Variants in MYO16 observed in about 807,000 individuals in gnomAD.
The protein encoded by MYO16 is unconventional myosin-XVI.
Under a neutral mutation model 205.3 loss-of-function variants are expected in MYO16, and 94 were observed. The ratio of observed to expected loss-of-function variants is 0.46; its 90% CI spans 0.39 to 0.54. MYO16 has a LOEUF of 0.54. Among genes scored for constraint, MYO16 ranks in the 20% least tolerant of loss-of-function variants. The pLI is 0.00. For missense variants in MYO16, 2,315 were observed against 2,387.5 expected, an observed-to-expected ratio of 0.97 and a Z score of 0.63; for synonymous variants, 988 against 954.0, an observed-to-expected ratio of 1.04 and a Z score of -0.66.
chr13:109,089,373 C>T (rs1029729877), intron 27 of MYO16, among the ~76,000 whole-genome samples: 12 of 151,908 alleles, frequency 7.9e-5, no homozygotes, highest in Non-Finnish European at 1.6e-4. Context: ...GCCACCATGC[C>T]CAGCTAATTT....
At chr13:108,695,598 C>CT (rs997332612) in intron 2 of MYO16, among the ~76,000 whole-genome samples, 1 of 151,584 alleles carries the variant, frequency 6.6e-6, no homozygotes, top group Non-Finnish European at 1.5e-5. Context: ...TGGATCATGG[C>CT]TTTTTTCATG....
chr13:109,037,967 G>A (rs986048778), intron 23 of MYO16, among the ~76,000 whole-genome samples: 3 of 152,162 alleles, frequency 2.0e-5, no homozygotes, highest in African/African-American at 7.2e-5. Context: ...CAGCAGTGAT[G>A]GCAAGGGAGG....
At chr13:109,063,978 C>T (rs537184763) in intron 27 of MYO16, among the ~76,000 whole-genome samples, 1 of 152,236 alleles carries the variant, frequency 6.6e-6, no homozygotes, top group Admixed American at 6.5e-5. Context: ...AAGGTTCAAA[C>T]TGTGTTGTAT....
chr13:108,725,744 A>G (rs912454127), intron 3 of MYO16, among the ~76,000 whole-genome samples: 1 of 152,068 alleles, frequency 6.6e-6, no homozygotes, highest in African/African-American at 2.4e-5. Context: ...TTAAAACTTT[A>G]AAGTTTTTCT....
At chr13:109,139,503 C>T (rs1032629029) in intron 31 of MYO16, among the ~76,000 whole-genome samples, 4 of 152,198 alleles carry the variant, frequency 2.6e-5, no homozygotes, top group Non-Finnish European at 5.9e-5. Flanking sequence ...CCATGGGTGG[C>T]TGACATCCTG....
chr13:109,078,844 C>T (rs949067744), intron 27 of MYO16, among the ~76,000 whole-genome samples: 4 of 152,194 alleles, frequency 2.6e-5, no homozygotes, highest in Admixed American at 2.6e-4. Context: ...GTTTTTTACT[C>T]TGGCAGATGG....
chr13:109,095,183 C>T (rs899940110), intron 27 of MYO16, among the ~76,000 whole-genome samples: 6 of 152,234 alleles, frequency 3.9e-5, no homozygotes, highest in African/African-American at 1.2e-4. Flanking sequence ...TTACTTTTTA[C>T]AGTCCATTGG....
chr13:108,898,351 A>AGTGTGTGTGT (rs3042037), intron 15 of MYO16, among the ~76,000 whole-genome samples: 17,671 of 144,916 alleles, frequency 0.12, 1,190 homozygotes, highest in Admixed American at 0.15. Context: ...AGGGTGTGTG[A>AGTGTGTGTGT]GTGTGTGTGT....
At chr13:108,502,162 G>A in the MYO16 span, among the ~76,000 whole-genome samples, 1 of 152,104 alleles carries the variant, frequency 6.6e-6, no homozygotes, top group South Asian at 2.1e-4. Flanking sequence ...GCAGTGAGCC[G>A]AGATTAAGCC....
intron 32 of MYO16, among the ~76,000 whole-genome samples, chr13:109,149,197 G>A (rs115523984): frequency 2.2e-3 from 336 of 152,252 alleles, no homozygotes; most frequent in African/African-American, 7.8e-3. Context: ...CCATAGCAGC[G>A]CTTCTAGGTG....
At chr13:109,074,464 G>T (rs191797330) in intron 27 of MYO16, among the ~76,000 whole-genome samples, 1 of 152,196 alleles carries the variant, frequency 6.6e-6, no homozygotes, top group Non-Finnish European at 1.5e-5. Context: ...GGAGAAGCAG[G>T]CATGTCTTAT....
chr13:109,091,195 A>G (rs1431207967), intron 27 of MYO16, among the ~76,000 whole-genome samples: 1 of 152,208 alleles, frequency 6.6e-6, no homozygotes, highest in East Asian at 1.9e-4. Context: ...TACAGACACC[A>G]TGCAGTGCCT....
At chr13:109,054,997 T>G in intron 25 of MYO16, 49 bp from the exon 26 acceptor site, 1 of 1,262,942 alleles carries the variant, frequency 7.9e-7, no homozygotes, top group South Asian at 1.3e-5. Context: ...TCCTTTCCTT[T>G]CCTTTCCTTT....
chr13:108,667,834 C>T (rs1189737303), intron 2 of MYO16, among the ~76,000 whole-genome samples: 5 of 152,054 alleles, frequency 3.3e-5, no homozygotes, highest in Non-Finnish European at 5.9e-5. Flanking sequence ...TCTCCTGAGG[C>T]CAGGAGTTTG....
At chr13:108,628,107 C>T (rs184690420), upstream of MYO16, among the ~76,000 whole-genome samples, 9 of 152,250 alleles carry the variant, frequency 5.9e-5, no homozygotes, top group African/African-American at 1.9e-4. Context: ...TTTATTGAAA[C>T]ATTACAAAAC....
intron 1 of MYO16, among the ~76,000 whole-genome samples, chr13:108,602,692 C>T (rs1238493650): frequency 6.6e-6 from 1 of 152,098 alleles, no homozygotes; most frequent in East Asian, 1.9e-4. Context: ...TGGTTTGGTC[C>T]TGCAATATTC....
At chr13:109,186,409 T>C (rs1879691580) in intron 34 of MYO16, among the ~76,000 whole-genome samples, 1 of 152,144 alleles carries the variant, frequency 6.6e-6, no homozygotes, top group Non-Finnish European at 1.5e-5. Context: ...AGATGGTGTT[T>C]TCCTCTGGTC....
At chr13:108,637,927 C>T (rs1464293449) in intron 1 of MYO16, among the ~76,000 whole-genome samples, 1 of 152,072 alleles carries the variant, frequency 6.6e-6, no homozygotes, top group Non-Finnish European at 1.5e-5. Flanking sequence ...AGCAAGCTAA[C>T]ATTCCTACTC....
intron 23 of MYO16, among the ~76,000 whole-genome samples, chr13:109,021,618 A>T (rs887009663): frequency 2.6e-5 from 4 of 152,168 alleles, no homozygotes; most frequent in African/African-American, 4.8e-5. Context: ...CCTTGGCGGT[A>T]CAGGCAGCAA....
Sources: allele counts gnomAD v4.1 joint callset (sites outside exome capture counted in the v4.1 genomes callset), GRCh38; gene constraint gnomAD v4.1.1; transcripts MANE v1.5; gene names NCBI Gene and HGNC (gene_info 2026-07-23, HGNC 2026-07-21).